The following PTPN11 variants were observed in gnomAD, a reference collection of about 807,000 sequenced individuals.
PTPN11 encodes protein tyrosine phosphatase non-receptor type 11.
PTPN11 carries 6 observed loss-of-function variants against 78.8 expected under a neutral mutation model. That is an observed-to-expected ratio of 0.08 (90% CI 0.04 to 0.15). The LOEUF (loss-of-function observed/expected upper bound fraction) is 0.15, where lower values mean the gene tolerates loss of function less well. Among genes scored for constraint, PTPN11 ranks in the 10% least tolerant of loss-of-function variants. The pLI is 1.00. For synonymous variants in PTPN11, 221 were observed against 263.5 expected, an observed-to-expected ratio of 0.84 and a Z score of 1.56; for missense variants, 386 against 744.8, an observed-to-expected ratio of 0.52 and a Z score of 5.61.
In PTPN11 at chr12:112,453,778, T is replaced by C. The variant is rs1419587; in HGVS notation, c.525+391T>C. ...GTTGATCTTCCCTCAGCCTCTTGAG[T>C]AGCTGGGACTACAGGTGTGTGCCAC... On this transcript the variant is annotated intron_variant, in intron 4 of 15. Transcript: ENST00000351677. 9.5e-3 allele frequency among the ~76,000 whole-genome samples: 1,443 copies of C among 151,904 alleles called. 21 individuals are homozygous for C. Among genetic ancestry groups the C allele is most frequent in the African/African-American group, 0.034 (1,388 of 41,426 alleles).
At chr12:112,479,000 T>G (rs1351678068) in intron 9 of PTPN11, among the ~76,000 whole-genome samples, 1 of 152,066 alleles carries the variant, frequency 6.6e-6, no homozygotes, top group Non-Finnish European at 1.5e-5. Context: ...TCCCAAAGTG[T>G]TGGGATTATA....
At chr12:112,495,359 T>C (rs972132376) in intron 13 of PTPN11, among the ~76,000 whole-genome samples, 2 of 152,254 alleles carry the variant, frequency 1.3e-5, no homozygotes. Flanking sequence ...TTGTTTTTCA[T>C]GTACTCTTGA....
At chr12:112,480,901 T>C (rs894552872) in intron 9 of PTPN11, among the ~76,000 whole-genome samples, 2 of 152,224 alleles carry the variant, frequency 1.3e-5, no homozygotes, top group African/African-American at 4.8e-5. Flanking sequence ...AAAAGCATTC[T>C]CTGCCCAGAA....
At chr12:112,472,160 T>C (rs921933773) in intron 6 of PTPN11, among the ~76,000 whole-genome samples, 1 of 151,984 alleles carries the variant, frequency 6.6e-6, no homozygotes, top group Non-Finnish European at 1.5e-5. Flanking sequence ...ATTAAAACAT[T>C]TTTTTCTTTT....
chr12:112,464,395 T>C (rs1033299253), intron 6 of PTPN11, among the ~76,000 whole-genome samples: 7 of 152,300 alleles, frequency 4.6e-5, no homozygotes, highest in Admixed American at 1.3e-4. Flanking sequence ...GATTTTTTTT[T>C]CCCTACAGAT....
intron 3 of PTPN11, among the ~76,000 whole-genome samples, chr12:112,451,814 G>A (rs747605964): frequency 6.6e-6 from 1 of 152,186 alleles, no homozygotes; most frequent in African/African-American, 2.4e-5. Context: ...GTGTTCACAT[G>A]CCAAGGCAAG....
At chr12:112,439,996 G>C (rs2037858323) in intron 1 of PTPN11, among the ~76,000 whole-genome samples, 1 of 152,052 alleles carries the variant, frequency 6.6e-6, no homozygotes, top group Non-Finnish European at 1.5e-5. Context: ...ATTTTAATTA[G>C]CTTATGTAGG....
At chr12:112,454,534 A>G (rs770946610) in intron 4 of PTPN11, 30 bp from the exon 5 acceptor site, 6 of 1,511,944 alleles carry the variant, frequency 4.0e-6, no homozygotes, top group Non-Finnish European at 5.5e-6. Flanking sequence ...AAGGTAACAA[A>G]TAATAAATGT....
intron 6 of PTPN11, 44 bp downstream of exon 6, chr12:112,456,107 A>C (rs374509828): frequency 8.0e-7 from 1 of 1,254,336 alleles, no homozygotes; most frequent in Non-Finnish European, 1.2e-6. Context: ...GTTATATCCT[A>C]TTTTTAGTGG....
intron 13 of PTPN11, 37 bp from the exon 14 acceptor site, chr12:112,502,107 C>A (rs1257189274): frequency 2.7e-6 from 4 of 1,499,974 alleles, no homozygotes; most frequent in South Asian, 1.1e-5. Flanking sequence ...CTTAAAATAA[C>A]CATTGTCCCT....
intron 13 of PTPN11, among the ~76,000 whole-genome samples, chr12:112,497,159 G>A (rs185581114): frequency 0.011 from 1,561 of 142,118 alleles, 25 homozygotes; most frequent in African/African-American, 0.038. Context: ...GCGACAGAGC[G>A]AGACTCTGTC....
At chr12:112,457,197 C>G (rs1463125550) in intron 6 of PTPN11, 1 of 381,018 alleles carries the variant, frequency 2.6e-6, no homozygotes, top group Non-Finnish European at 5.2e-6. Flanking sequence ...CCACTTGAAT[C>G]CAGGAGTTTG....
intron 14 of PTPN11, among the ~76,000 whole-genome samples, chr12:112,503,445 T>C (rs2038901160): frequency 6.6e-6 from 1 of 152,184 alleles, no homozygotes; most frequent in East Asian, 1.9e-4. Flanking sequence ...TATATAAATG[T>C]TTTAGGTGGC....
intron 11 of PTPN11, 104 bp from the exon 12 acceptor site, chr12:112,488,339 C>G: frequency 2.0e-6 from 2 of 999,964 alleles, no homozygotes; most frequent in South Asian, 2.5e-5. Context: ...ATAAATAGCT[C>G]CAAAGAGTAG....
At chr12:112,478,371 GAGACCAGCCTGGGCAATGTAGTA>G (rs763563057) in intron 9 of PTPN11, among the ~76,000 whole-genome samples, 107 of 151,690 alleles carry the variant, frequency 7.1e-4, no homozygotes, top group Admixed American at 1.3e-3. Context: ...TCAGGAGTTT[GAGACCAGCCTGGGCAATGTAGTA>G]AGACCCCATC....
intron 6 of PTPN11, among the ~76,000 whole-genome samples, chr12:112,472,536 C>CTTTT (rs71445574): frequency 7.0e-6 from 1 of 141,954 alleles, no homozygotes. Flanking sequence ...GATGAACCTT[C>CTTTT]TTTTTTTTTT....
intron 3 of PTPN11, among the ~76,000 whole-genome samples, chr12:112,451,825 GACAA>G (rs1196519067): frequency 6.6e-6 from 1 of 152,138 alleles, no homozygotes; most frequent in Non-Finnish European, 1.5e-5. Flanking sequence ...CCAAGGCAAG[GACAA>G]ACATTCAAAA....
At chr12:112,485,858 G>A (rs1255030744) in intron 10 of PTPN11, among the ~76,000 whole-genome samples, 3 of 152,008 alleles carry the variant, frequency 2.0e-5, no homozygotes, top group South Asian at 4.2e-4. Flanking sequence ...ATGTGTGCCT[G>A]TAATCCCAGC....
intron 1 of PTPN11, among the ~76,000 whole-genome samples, chr12:112,426,971 G>A (rs944105956): frequency 7.2e-5 from 11 of 152,270 alleles, no homozygotes; most frequent in African/African-American, 1.7e-4. Flanking sequence ...ATGGCCGGGC[G>A]TGGTGGCTCA....
Sources: allele counts gnomAD v4.1 joint callset (sites outside exome capture counted in the v4.1 genomes callset), GRCh38; gene constraint gnomAD v4.1.1; transcripts MANE v1.5; gene names NCBI Gene and HGNC (gene_info 2026-07-23, HGNC 2026-07-21).